LRRC4C: variants seen among roughly 807,000 people sequenced by gnomAD.
The protein encoded by LRRC4C is leucine-rich repeat-containing protein 4C.
Under a neutral mutation model 33.6 loss-of-function variants are expected in LRRC4C, and 5 were observed. The ratio of observed to expected loss-of-function variants is 0.15; its 90% confidence interval spans 0.08 to 0.31. The LOEUF is 0.31. Ranked by LOEUF, LRRC4C falls within the 10% of genes least tolerant of loss-of-function variation. The probability of loss-of-function intolerance (pLI) is 1.00; values close to 1 mark genes in which losing one functional copy is unlikely to be tolerated. For synonymous variants in LRRC4C, 329 were observed against 302.0 expected (o/e 1.09, Z -0.93); for missense variants, 560 against 796.7 (o/e 0.70, Z 3.58).
intron 2 of LRRC4C, among the ~76,000 whole-genome samples, chr11:40,745,899 T>TA (rs1948392356): frequency 6.6e-6 from 1 of 152,166 alleles, no homozygotes; most frequent in African/African-American, 2.4e-5. Context: ...TTATGCAGTT[T>TA]AAAAAGGCAA....
intron 2 of LRRC4C, among the ~76,000 whole-genome samples, chr11:40,711,243 T>C (rs1356418710): frequency 2.6e-5 from 4 of 152,114 alleles, no homozygotes; most frequent in African/African-American, 4.8e-5. Context: ...GGTACCTCAG[T>C]TGGAGATGCA....
intron 1 of LRRC4C, among the ~76,000 whole-genome samples, chr11:40,973,523 G>T (rs911126924): frequency 6.6e-6 from 1 of 152,142 alleles, no homozygotes; most frequent in East Asian, 1.9e-4. Flanking sequence ...GAGATCACTA[G>T]GAAGAGAATA....
intron 1 of LRRC4C, among the ~76,000 whole-genome samples, chr11:41,379,920 G>A (rs2956777): frequency 0.98 from 149,212 of 152,184 alleles, 73,213 homozygotes; most frequent in Middle Eastern, 1. Context: ...GTGAAAGGTA[G>A]AACCAGTCAC....
At position 41,157,454 on chromosome 11, in the gene LRRC4C, C is replaced by T. The variant is rs528234580; in HGVS notation, c.-495-223731G>A. Among the ~76,000 whole-genome samples the T allele has an allele frequency of 3.9e-5, 6 of 152,242 alleles. No individual in the cohort carries two copies. The East Asian group carries it at 9.7e-4, about 24-fold the overall frequency. ...AAAAAAAAGAACCATTTAAAATTCA[C>T]TCAACACAAATATTTATTCCTAAGT... On this transcript the variant is annotated intron_variant, in intron 1 of 6. Transcript: ENST00000528697.
At chr11:41,404,549 C>CACAG (rs1343580219) in intron 1 of LRRC4C, among the ~76,000 whole-genome samples, 1 of 110,828 alleles carries the variant, frequency 9.0e-6, no homozygotes, top group African/African-American at 3.8e-5. Flanking sequence ...CACACACACA[C>CACAG]ACACACACAC....
intron 4 of LRRC4C, among the ~76,000 whole-genome samples, chr11:40,310,970 G>C (rs1163146453): frequency 6.6e-6 from 1 of 152,104 alleles, no homozygotes; most frequent in East Asian, 1.9e-4. Context: ...CACCTGAGGT[G>C]GTTCTTAGTT....
chr11:40,453,605 A>G (rs552554932), intron 3 of LRRC4C, among the ~76,000 whole-genome samples: 1 of 141,326 alleles, frequency 7.1e-6, no homozygotes, highest in Non-Finnish European at 1.5e-5. Flanking sequence ...AAACCACAAA[A>G]AGGCATTCTA....
intron 1 of LRRC4C, among the ~76,000 whole-genome samples, chr11:41,295,076 T>C (rs1180747280): frequency 6.6e-6 from 1 of 152,208 alleles, no homozygotes; most frequent in Non-Finnish European, 1.5e-5. Context: ...TTACACTATT[T>C]CATTCTGTGA....
intron 1 of LRRC4C, among the ~76,000 whole-genome samples, chr11:41,114,207 A>C (rs2135719888): frequency 6.6e-6 from 1 of 152,152 alleles, no homozygotes; most frequent in Admixed American, 6.6e-5. Flanking sequence ...AAAATCAACT[A>C]TTTCCAAGAA....
chr11:40,367,096 T>C (rs1231340303), intron 3 of LRRC4C, among the ~76,000 whole-genome samples: 2 of 152,086 alleles, frequency 1.3e-5, no homozygotes, highest in African/African-American at 2.4e-5. Flanking sequence ...ATCCTCATTA[T>C]ATATTTTATC....
At chr11:41,416,334 T>C (rs1398755774) in intron 1 of LRRC4C, among the ~76,000 whole-genome samples, 8 of 152,022 alleles carry the variant, frequency 5.3e-5, no homozygotes, top group Non-Finnish European at 8.8e-5. Flanking sequence ...GGTTCATCTA[T>C]CACTATAAAC....
At chr11:41,210,794 C>T (rs1184109789) in intron 1 of LRRC4C, among the ~76,000 whole-genome samples, 1 of 152,178 alleles carries the variant, frequency 6.6e-6, no homozygotes, top group Non-Finnish European at 1.5e-5. Flanking sequence ...TTTAAATCAG[C>T]AGTCCCCAAT....
intron 5 of LRRC4C, among the ~76,000 whole-genome samples, chr11:40,203,317 A>T (rs906548524): frequency 6.6e-6 from 1 of 152,160 alleles, no homozygotes; most frequent in Non-Finnish European, 1.5e-5. Context: ...AAAGCTACAA[A>T]CTATATCTGA....
At chr11:40,480,374 T>A (rs1440114) in intron 3 of LRRC4C, among the ~76,000 whole-genome samples, 148,619 of 151,466 alleles carry the variant, frequency 0.98, 72,941 homozygotes, top group East Asian at 1. Context: ...TAAAAATAAA[T>A]AAATAAATAA....
At chr11:41,120,852 T>A (rs1942387999) in intron 1 of LRRC4C, among the ~76,000 whole-genome samples, 2 of 152,092 alleles carry the variant, frequency 1.3e-5, no homozygotes, top group Admixed American at 1.3e-4. Context: ...GTGAGTGAGT[T>A]ATCATGAAAT....
At chr11:41,004,048 T>A (rs925497123) in intron 1 of LRRC4C, among the ~76,000 whole-genome samples, 6 of 151,976 alleles carry the variant, frequency 3.9e-5, no homozygotes, top group African/African-American at 1.5e-4. Context: ...ACAGGAAGTT[T>A]TCTTTGAGAG....
At chr11:41,453,430 G>A (rs1480020456) in intron 1 of LRRC4C, among the ~76,000 whole-genome samples, 1 of 152,080 alleles carries the variant, frequency 6.6e-6, no homozygotes, top group Non-Finnish European at 1.5e-5. Flanking sequence ...GATAGAGTCG[G>A]CCCTATTATG....
chr11:40,599,895 T>C (rs143083592), intron 3 of LRRC4C, among the ~76,000 whole-genome samples: 1 of 152,226 alleles, frequency 6.6e-6, no homozygotes, highest in East Asian at 1.9e-4. Context: ...TCAAATATCC[T>C]CTGGGCACAA....
chr11:41,025,654 TAGAAGCTACAGCA>T (rs940456450), intron 1 of LRRC4C, among the ~76,000 whole-genome samples: 4 of 151,840 alleles, frequency 2.6e-5, no homozygotes, highest in African/African-American at 9.7e-5. Flanking sequence ...ATGGCTGATG[TAGAAGCTACAGCA>T]AGTTATCCAG....
Sources: gnomAD v4.1 joint callset for allele counts (sites outside exome capture counted in the v4.1 genomes callset) on GRCh38, gnomAD v4.1.1 for gene constraint, MANE v1.5 for transcripts, NCBI Gene and HGNC (gene_info 2026-07-23, HGNC 2026-07-21) for gene names.